Variants in ZNF721 observed in about 807,000 individuals in gnomAD.
ZNF721 encodes zinc finger protein 721.
Under a neutral mutation model 2.4 loss-of-function variants are expected in ZNF721, and 2 were observed. The observed-to-expected ratio is 0.82, with a 90% CI of 0.34 to 2.58. The LOEUF (loss-of-function observed/expected upper bound fraction) is 2.58. Ranked by LOEUF, ZNF721 falls within the 30% of genes most tolerant of loss-of-function variation. The pLI is 0.11. For missense variants in ZNF721, 1,187 were observed against 1,085.5 expected (o/e 1.09, Z -1.31); for synonymous variants, 398 against 381.8 (o/e 1.04, Z -0.50).
At chr4:464,468 CAAA>C (rs57645783) in intron 2 of ZNF721, among the ~76,000 whole-genome samples, 43 of 78,006 alleles carry the variant, frequency 5.5e-4, no homozygotes, top group East Asian at 5.0e-3. Flanking sequence ...GACTCCACCT[CAAA>C]AAAAAAAAAA....
chr4:477,842 G>C (rs1715671674), intron 1 of ZNF721, among the ~76,000 whole-genome samples: 1 of 152,120 alleles, frequency 6.6e-6, no homozygotes. Context: ...TGACCTTCCT[G>C]GGGTGATAGT....
chr4:486,519 G>A (rs1190065856), intron 1 of ZNF721, among the ~76,000 whole-genome samples: 1 of 152,078 alleles, frequency 6.6e-6, no homozygotes, highest in Admixed American at 6.6e-5. Context: ...CCTAAATGTG[G>A]GGTCTTAGAA....
intron 2 of ZNF721, among the ~76,000 whole-genome samples, chr4:464,506 T>G (rs1227687629): frequency 3.4e-5 from 5 of 147,986 alleles, no homozygotes; most frequent in African/African-American, 1.2e-4. Context: ...TGAAAGTTCC[T>G]AATTAAAAAA....
intron 2 of ZNF721, among the ~76,000 whole-genome samples, chr4:464,468 C>CA (rs57645783): frequency 0.021 from 1,648 of 77,536 alleles, 51 homozygotes; most frequent in African/African-American, 0.044. Context: ...GACTCCACCT[C>CA]AAAAAAAAAA....
In ZNF721 at chr4:463,006, T is replaced by G. The variant is rs149521161; in HGVS notation, c.34+9569A>C. Reference sequence around the variant, plus strand: ...AGAAAATTTTTTTGCAATCTACCCATCTGACAAAGGAATAATATCCAGAAA... The same window carrying G: ...AGAAAATTTTTTTGCAATCTACCCAGCTGACAAAGGAATAATATCCAGAAA... On this transcript the variant is annotated intron_variant, in intron 2 of 2. Transcript: ENST00000511833. Among the ~76,000 whole-genome samples the G allele has an allele frequency of 1.6e-3, 244 of 152,204 alleles. 1 individual carries two copies. The highest frequency in any genetic ancestry group is 5.6e-3 in the African/African-American group (232 of 41,518).
At chr4:473,451 G>T (rs1265490080) in intron 1 of ZNF721, among the ~76,000 whole-genome samples, 1 of 152,164 alleles carries the variant, frequency 6.6e-6, no homozygotes, top group African/African-American at 2.4e-5. Context: ...GGCGCACAGG[G>T]CAAGGGGACT....
intron 2 of ZNF721, among the ~76,000 whole-genome samples, chr4:448,927 A>C (rs1374141082): frequency 6.6e-6 from 1 of 152,348 alleles, no homozygotes; most frequent in East Asian, 1.9e-4. Flanking sequence ...AAAAGCAAAA[A>C]TTAAGTACAG....
At chr4:477,421 G>C (rs1237329111) in intron 1 of ZNF721, among the ~76,000 whole-genome samples, 1 of 151,904 alleles carries the variant, frequency 6.6e-6, no homozygotes, top group African/African-American at 2.4e-5. Context: ...TGTATTTTTA[G>C]TAGAGACGGG....
chr4:456,783 G>A (rs1714863279), intron 2 of ZNF721, among the ~76,000 whole-genome samples: 1 of 152,164 alleles, frequency 6.6e-6, no homozygotes, highest in Non-Finnish European at 1.5e-5. Flanking sequence ...GGAGCCTGAG[G>A]CAGAAGAATC....
At chr4:478,547 A>G (rs1325794362) in intron 1 of ZNF721, among the ~76,000 whole-genome samples, 3 of 152,156 alleles carry the variant, frequency 2.0e-5, no homozygotes, top group Non-Finnish European at 2.9e-5. Context: ...TCTTTATAAT[A>G]GCATGTGACA....
At chr4:458,835 G>A (rs1260807094) in intron 2 of ZNF721, among the ~76,000 whole-genome samples, 1 of 150,204 alleles carries the variant, frequency 6.7e-6, no homozygotes, top group Non-Finnish European at 1.5e-5. Context: ...GACAGAGCAA[G>A]ACTCCGTCTA....
chr4:442,772 G>C lies in ZNF721; in HGVS notation c.1695C>G (p.Thr565=). The C allele has an allele frequency of 6.2e-7, 1 of 1,614,006 alleles. No individual in the cohort carries two copies. The highest frequency in any genetic ancestry group is 8.5e-7 in the Non-Finnish European group (1 of 1,179,992). The change falls in exon 3 of 3, where the codon ACC becomes ACG. Residue 565 remains threonine, a synonymous_variant. Transcript: ENST00000511833. ...KPYTCEECGK[T]FRQSANLYVH... ...CATAAAGGTTTGCGGACTGTCTAAA[G>C]GTTTTGCCACATTCTTCACATGTGT...
chr4:461,911 A>C (rs1715083168), intron 2 of ZNF721, among the ~76,000 whole-genome samples: 1 of 152,188 alleles, frequency 6.6e-6, no homozygotes, highest in Non-Finnish European at 1.5e-5. Context: ...TGGCCAAGGC[A>C]ATTAGGCAAG....
rs145827717 is a variant in ZNF721 at position 458,104 on chromosome 4, G to A, written c.35-13672C>T. ...AGGTTAGAGCATTTCCAAATACCTC[G>A]CAAGAGCGACACAGCGGGAGCCACA... On this transcript the variant is annotated intron_variant, in intron 2 of 2. Coordinates refer to ENST00000511833, the MANE Select transcript of ZNF721 (RefSeq NM_133474.4). Among the ~76,000 whole-genome samples, 28 of 152,286 alleles carry A rather than the reference G, an allele frequency of 1.8e-4. No individual in the cohort carries two copies. In the East Asian group the frequency reaches 4.2e-3, roughly 23 times the overall value.
chr4:492,682 G>T (rs1553871655), intron 1 of ZNF721, among the ~76,000 whole-genome samples: 1 of 139,172 alleles, frequency 7.2e-6, no homozygotes. Flanking sequence ...TGGATTTTCT[G>T]GTTTGTCCTG....
intron 2 of ZNF721, among the ~76,000 whole-genome samples, chr4:464,028 G>C (rs1360188796): frequency 6.6e-6 from 1 of 152,166 alleles, no homozygotes; most frequent in Non-Finnish European, 1.5e-5. Flanking sequence ...TTGCAACAAT[G>C]TATGAAGAAA....
At chr4:474,127 C>T in intron 1 of ZNF721, 1 of 1,052,256 alleles carries the variant, frequency 9.5e-7, no homozygotes, top group East Asian at 4.5e-5. Flanking sequence ...CCTAACCGAG[C>T]TCAGGCTGAA....
At position 444,093 on chromosome 4, in the gene ZNF721, G is replaced by T. The variant is rs1714385680; in HGVS notation, c.374C>A (p.Thr125Asn). 1.2e-6 allele frequency: 2 copies of T among 1,614,020 alleles called. No homozygotes were observed. Among genetic ancestry groups the T allele is most frequent in the African/African-American group, 2.7e-5 (2 of 74,932 alleles). Residue 125 changes from threonine (T) to asparagine (N), a missense_variant, in exon 3 of 3, where the codon ACT (threonine) becomes AAT (asparagine). By Grantham distance (65) the Thr-to-Asn change is moderately conservative. Coordinates refer to ENST00000511833, the MANE Select transcript of ZNF721 (RefSeq NM_133474.4). ...TCCAGCATGAATTCCTTTATGTTGA[G>T]TTAGGTCTGAGAACTTCTGAAATGA... Reference protein sequence around the residue: ...GKSFQKFSDLTQHKGIHAGEK... With the variant: ...GKSFQKFSDLNQHKGIHAGEK...
chr4:469,744 G>T (rs1370960840), intron 2 of ZNF721, among the ~76,000 whole-genome samples: 1 of 152,104 alleles, frequency 6.6e-6, no homozygotes, highest in Non-Finnish European at 1.5e-5. Flanking sequence ...CCAATGAACA[G>T]AATAGAGAGC....
Sources: allele counts gnomAD v4.1 joint callset (sites outside exome capture counted in the v4.1 genomes callset), GRCh38; gene constraint gnomAD v4.1.1; transcripts MANE v1.5; gene names NCBI Gene and HGNC (gene_info 2026-07-23, HGNC 2026-07-21).